Variants in DMXL1 observed in about 807,000 individuals in gnomAD.
The protein encoded by DMXL1 is Dmx like 1.
DMXL1 carries 99 observed loss-of-function variants against 319.2 expected under a neutral mutation model. The observed-to-expected ratio is 0.31, with a 90% CI of 0.26 to 0.37. DMXL1 has a LOEUF of 0.37. Among genes scored for constraint, DMXL1 ranks in the 10% least tolerant of loss-of-function variants. The pLI is 1.00. For synonymous variants in DMXL1, 1,385 were observed against 1,235.2 expected, an observed-to-expected ratio of 1.12 and a Z score of -2.54; for missense variants, 3,745 against 3,595.6, an observed-to-expected ratio of 1.04 and a Z score of -1.06.
At chr5:119,090,316 C>T (rs769350023) in intron 1 of DMXL1, among the ~76,000 whole-genome samples, 1 of 151,268 alleles carries the variant, frequency 6.6e-6, no homozygotes, top group Non-Finnish European at 1.5e-5. Flanking sequence ...CCACTGTGCC[C>T]GGCCACTTGG....
chr5:119,082,096 C>A (rs1434753059), intron 1 of DMXL1, among the ~76,000 whole-genome samples: 1 of 148,546 alleles, frequency 6.7e-6, no homozygotes, highest in African/African-American at 2.5e-5. Context: ...TTTATAAAAT[C>A]AATTTTTATT....
chr5:119,127,749 CT>C, intron 9 of DMXL1: 1 of 253,732 alleles, frequency 3.9e-6, no homozygotes. Flanking sequence ...AGTCCTTTAT[CT>C]TTTTAACAAG....
At chr5:119,198,308 A>G (rs1395598606) in intron 32 of DMXL1, among the ~76,000 whole-genome samples, 1 of 152,168 alleles carries the variant, frequency 6.6e-6, no homozygotes, top group Non-Finnish European at 1.5e-5. Flanking sequence ...TTTTTAAGAT[A>G]GGAGTTTTAC....
intron 34 of DMXL1, among the ~76,000 whole-genome samples, chr5:119,214,901 C>T (rs1783412516): frequency 6.6e-6 from 1 of 152,174 alleles, no homozygotes; most frequent in African/African-American, 2.4e-5. Flanking sequence ...CCATTACCAG[C>T]AAGTGGCACA....
intron 5 of DMXL1, among the ~76,000 whole-genome samples, chr5:119,113,889 A>G (rs1223206202): frequency 6.6e-6 from 1 of 152,248 alleles, no homozygotes; most frequent in Non-Finnish European, 1.5e-5. Flanking sequence ...TTGAGCAAAG[A>G]AAAGGAAAGC....
At chr5:119,208,843 C>T (rs1191288147) in intron 34 of DMXL1, among the ~76,000 whole-genome samples, 1 of 152,152 alleles carries the variant, frequency 6.6e-6, no homozygotes, top group African/African-American at 2.4e-5. Flanking sequence ...AATTTAATCC[C>T]TCCATTTTTT....
intron 19 of DMXL1, among the ~76,000 whole-genome samples, chr5:119,157,807 C>A (rs887235310): frequency 6.6e-6 from 1 of 151,982 alleles, no homozygotes; most frequent in Non-Finnish European, 1.5e-5. Context: ...TTTGGTGTTT[C>A]TTGGTATTCC....
At chr5:119,100,412 G>A (rs977704877) in intron 2 of DMXL1, among the ~76,000 whole-genome samples, 2 of 151,442 alleles carry the variant, frequency 1.3e-5, no homozygotes, top group Non-Finnish European at 2.9e-5. Flanking sequence ...TTTCAACCTG[G>A]GTAACAGTGT....
At chr5:119,176,005 T>C (rs1775730463) in intron 26 of DMXL1, among the ~76,000 whole-genome samples, 2 of 152,092 alleles carry the variant, frequency 1.3e-5, no homozygotes. Context: ...TTTCTTAATG[T>C]TCTTTAACTT....
chr5:119,093,555 T>C (rs1383423792), intron 1 of DMXL1, among the ~76,000 whole-genome samples: 2 of 152,192 alleles, frequency 1.3e-5, no homozygotes, highest in Non-Finnish European at 1.5e-5. Flanking sequence ...CACAATGATA[T>C]AGAAATTATG....
chr5:119,098,167 T>G, intron 2 of DMXL1, 63 bp downstream of exon 2: 2 of 1,525,324 alleles, frequency 1.3e-6, no homozygotes, highest in Non-Finnish European at 1.8e-6. Flanking sequence ...GGATAATCTC[T>G]GAAGTGTGTA....
intron 13 of DMXL1, among the ~76,000 whole-genome samples, chr5:119,136,922 C>A (rs182333040): frequency 4.8e-4 from 73 of 152,354 alleles, no homozygotes; most frequent in Non-Finnish European, 1.5e-4. Flanking sequence ...GGAGTTGGAG[C>A]GTCCCACAGA....
chr5:119,200,634 G>A (rs113804825), intron 32 of DMXL1, among the ~76,000 whole-genome samples: 3,278 of 152,232 alleles, frequency 0.022, 105 homozygotes, highest in African/African-American at 0.074. Context: ...GTTAGGAATA[G>A]CATTGAATCT....
chr5:119,218,218 A>G (rs180746310), intron 35 of DMXL1, among the ~76,000 whole-genome samples: 1 of 152,228 alleles, frequency 6.6e-6, no homozygotes, highest in African/African-American at 2.4e-5. Context: ...CTCTACAAAA[A>G]AAAATTATCT....
chr5:119,087,207 T>A (rs959854274), intron 1 of DMXL1, among the ~76,000 whole-genome samples: 2 of 152,074 alleles, frequency 1.3e-5, no homozygotes, highest in Non-Finnish European at 2.9e-5. Context: ...CATACAAATT[T>A]GGGTTTGATT....
Position 119,171,978 on chromosome 5 carries a change from G to T in DMXL1, c.6681+9G>T. The T allele has an allele frequency of 6.3e-7, 1 of 1,599,824 alleles. No homozygotes were observed. Among genetic ancestry groups the T allele is most frequent in the Non-Finnish European group, 8.5e-7 (1 of 1,173,076 alleles). Reference sequence around the variant, plus strand: ...ATATCCAAAGCAATAAAGTAAGTATGCTTGGTTTCAAGCTTTTACTTCATC... The same window carrying T: ...ATATCCAAAGCAATAAAGTAAGTATTCTTGGTTTCAAGCTTTTACTTCATC... On this transcript the variant is annotated intron_variant, in intron 25 of 43. Transcript: ENST00000539542.
In DMXL1 at chr5:119,080,571, T is replaced by A. The variant is rs118017280; in HGVS notation, c.87+8915T>A. Among the ~76,000 whole-genome samples the A allele has an allele frequency of 3.0e-3, 460 of 152,316 alleles. 6 individuals carry two copies. In the East Asian group the frequency reaches 0.038, roughly 12 times the overall value. ...TATACAATCAATCAAGCCCTGTAGA[T>A]TCTGTCTCCTGAGTAATTTTAATAT... On this transcript the variant is annotated intron_variant, in intron 1 of 43. Transcript: ENST00000539542.
At chr5:119,223,397 C>T (rs909408331) in intron 37 of DMXL1, among the ~76,000 whole-genome samples, 12 of 151,994 alleles carry the variant, frequency 7.9e-5, no homozygotes, top group African/African-American at 2.9e-4. Flanking sequence ...CTAAGCTCTT[C>T]GAGAGCTTGG....
intron 9 of DMXL1, among the ~76,000 whole-genome samples, chr5:119,126,266 A>G (rs893033818): frequency 2.0e-5 from 3 of 152,328 alleles, no homozygotes; most frequent in East Asian, 1.9e-4. Context: ...CTGGGCAGCA[A>G]GAGTGAAACT....
Sources: allele counts gnomAD v4.1 joint callset (sites outside exome capture counted in the v4.1 genomes callset), GRCh38; gene constraint gnomAD v4.1.1; transcripts MANE v1.5; gene names NCBI Gene and HGNC (gene_info 2026-07-23, HGNC 2026-07-21).